The following RABGAP1L variants were observed in gnomAD, a reference collection of about 807,000 sequenced individuals.
RABGAP1L encodes rab GTPase-activating protein 1-like.
In RABGAP1L, 63 loss-of-function variants were observed where a neutral mutation model predicts 137.7. The observed-to-expected ratio is 0.46, with a 90% CI of 0.37 to 0.56. The LOEUF (loss-of-function observed/expected upper bound fraction) is 0.56, where lower values mean the gene tolerates loss of function less well. RABGAP1L is among the 20% of genes least tolerant of loss of function. The probability of loss-of-function intolerance (pLI) is 0.00; values close to 1 mark genes in which losing one functional copy is unlikely to be tolerated. For missense variants in RABGAP1L, 1,095 were observed against 1,244.0 expected, an observed-to-expected ratio of 0.88 and a Z score of 1.80; for synonymous variants, 431 against 433.7, an observed-to-expected ratio of 0.99 and a Z score of 0.08.
intron 22 of RABGAP1L, 41 bp from the exon 23 acceptor site, chr1:174,978,766 T>C (rs569817786): frequency 6.6e-7 from 1 of 1,505,600 alleles, no homozygotes; most frequent in African/African-American, 1.4e-5. Flanking sequence ...AAATTTAAGA[T>C]TTTGGCTAAA....
intron 14 of RABGAP1L, among the ~76,000 whole-genome samples, chr1:174,652,988 G>A (rs1057407343): frequency 6.6e-6 from 1 of 152,188 alleles, no homozygotes; most frequent in Non-Finnish European, 1.5e-5. Flanking sequence ...TTTCAGAGAA[G>A]CCCTGCCTAG....
intron 1 of RABGAP1L, among the ~76,000 whole-genome samples, chr1:174,167,870 T>TGTGA (rs773010372): frequency 2.6e-5 from 4 of 152,186 alleles, no homozygotes; most frequent in Non-Finnish European, 5.9e-5. Flanking sequence ...TAATTGTCAT[T>TGTGA]GTGAGGCCTT....
At chr1:174,381,298 A>T (rs1455199500) in intron 12 of RABGAP1L, among the ~76,000 whole-genome samples, 2 of 146,646 alleles carry the variant, frequency 1.4e-5, no homozygotes, top group African/African-American at 5.2e-5. Context: ...GTAGATGTCT[A>T]TTAGGTCCAC....
chr1:174,580,120 A>G (rs1668628101), intron 13 of RABGAP1L, among the ~76,000 whole-genome samples: 1 of 147,294 alleles, frequency 6.8e-6, no homozygotes, highest in African/African-American at 2.4e-5. Flanking sequence ...AAGCAGCAAA[A>G]TATAAAACAT....
chr1:174,584,779 T>C (rs1450883159), intron 13 of RABGAP1L, among the ~76,000 whole-genome samples: 1 of 152,158 alleles, frequency 6.6e-6, no homozygotes, highest in Non-Finnish European at 1.5e-5. Flanking sequence ...AGAACTTCTT[T>C]TCTATCATTT....
At chr1:174,670,500 T>C (rs1677092073) in intron 14 of RABGAP1L, among the ~76,000 whole-genome samples, 1 of 152,144 alleles carries the variant, frequency 6.6e-6, no homozygotes, top group Non-Finnish European at 1.5e-5. Context: ...CATTCTTTCT[T>C]CTTTTTTTCC....
chr1:174,957,575 A>C, intron 20 of RABGAP1L, 26 bp downstream of exon 20: 1 of 1,558,050 alleles, frequency 6.4e-7, no homozygotes. Context: ...TGCACCTATC[A>C]AAGTACCTTC....
chr1:174,967,330 A>ATTTTTTT (rs35787924), intron 20 of RABGAP1L, among the ~76,000 whole-genome samples: 2 of 115,880 alleles, frequency 1.7e-5, no homozygotes, highest in Non-Finnish European at 3.5e-5. Flanking sequence ...CACCCAGCTA[A>ATTTTTTT]TTTTTTTTTT....
At chr1:174,602,095 T>C (rs1186027112) in intron 13 of RABGAP1L, among the ~76,000 whole-genome samples, 1 of 152,200 alleles carries the variant, frequency 6.6e-6, no homozygotes, top group East Asian at 1.9e-4. Context: ...CTCTACCTGT[T>C]ACCCAGTTCC....
chr1:174,387,725 G>A (rs1235316533), intron 12 of RABGAP1L, among the ~76,000 whole-genome samples: 1 of 152,088 alleles, frequency 6.6e-6, no homozygotes, highest in South Asian at 2.1e-4. Context: ...TTGCTCAGCT[G>A]AAATTCAGTG....
intron 11 of RABGAP1L, among the ~76,000 whole-genome samples, chr1:174,369,916 A>G (rs961913981): frequency 1.3e-5 from 2 of 152,190 alleles, no homozygotes; most frequent in African/African-American, 2.4e-5. Flanking sequence ...TATTTTGGTT[A>G]TATTTTACTA....
intron 19 of RABGAP1L, among the ~76,000 whole-genome samples, chr1:174,918,825 C>A (rs1424778552): frequency 3.4e-5 from 2 of 59,406 alleles, no homozygotes; most frequent in Admixed American, 1.9e-4. Context: ...TGAGACCCAC[C>A]CCCCCGATCT....
chr1:174,911,423 AT>A (rs1194496627), intron 19 of RABGAP1L, among the ~76,000 whole-genome samples: 3 of 152,212 alleles, frequency 2.0e-5, no homozygotes, highest in African/African-American at 4.8e-5. Context: ...ACTTTGTTAC[AT>A]TTTCTAAGCT....
intron 13 of RABGAP1L, among the ~76,000 whole-genome samples, chr1:174,450,327 C>T (rs1184416284): frequency 3.3e-5 from 5 of 152,066 alleles, no homozygotes; most frequent in Admixed American, 6.5e-5. Flanking sequence ...GTGTGATATG[C>T]GTTTGCACAT....
intron 13 of RABGAP1L, among the ~76,000 whole-genome samples, chr1:174,566,672 T>C (rs1667608452): frequency 6.6e-6 from 1 of 152,192 alleles, no homozygotes; most frequent in Admixed American, 6.5e-5. Context: ...TTTGAGTCTT[T>C]GCGAGGCCTT....
intron 13 of RABGAP1L, among the ~76,000 whole-genome samples, chr1:174,429,287 GT>G (rs1322081279): frequency 6.6e-6 from 1 of 152,156 alleles, no homozygotes; most frequent in African/African-American, 2.4e-5. Flanking sequence ...GGGCATTTGT[GT>G]TTTTTGAAGG....
At chr1:174,694,245 A>T (rs1357142456) in intron 15 of RABGAP1L, among the ~76,000 whole-genome samples, 1 of 151,626 alleles carries the variant, frequency 6.6e-6, no homozygotes, top group Non-Finnish European at 1.5e-5. Context: ...CATGTGCACA[A>T]TGTGCAGGTT....
chr1:174,651,899 G>C (rs1363895955), intron 14 of RABGAP1L, among the ~76,000 whole-genome samples: 1 of 152,126 alleles, frequency 6.6e-6, no homozygotes, highest in African/African-American at 2.4e-5. Flanking sequence ...TGGTTATTTT[G>C]CTCGTTAGTT....
At chr1:174,445,444 T>A (rs1203214289) in intron 13 of RABGAP1L, among the ~76,000 whole-genome samples, 2 of 152,154 alleles carry the variant, frequency 1.3e-5, no homozygotes, top group South Asian at 2.1e-4. Context: ...TTATTCTAAT[T>A]TCTATGCTCT....
Sources: gnomAD v4.1 joint callset for allele counts (sites outside exome capture counted in the v4.1 genomes callset) on GRCh38, gnomAD v4.1.1 for gene constraint, MANE v1.5 for transcripts, NCBI Gene and HGNC (gene_info 2026-07-23, HGNC 2026-07-21) for gene names.